WDR7: variants seen among roughly 807,000 people sequenced by gnomAD.
The protein encoded by WDR7 is WD repeat domain 7, also known as WD repeat-containing protein 7.
Under a neutral mutation model 169.4 loss-of-function variants are expected in WDR7, and 46 were observed. The ratio of observed to expected loss-of-function variants is 0.27; its 90% confidence interval spans 0.21 to 0.35. The LOEUF is 0.35. Among genes scored for constraint, WDR7 ranks in the 10% least tolerant of loss-of-function variants. The probability of loss-of-function intolerance (pLI) is 1.00; values close to 1 mark genes in which losing one functional copy is unlikely to be tolerated. For missense variants in WDR7, 1,534 were observed against 1,859.3 expected (o/e 0.83, Z 3.22); for synonymous variants, 612 against 666.8 (o/e 0.92, Z 1.27).
chr18:56,855,689 T>A (rs1452156882), intron 20 of WDR7, among the ~76,000 whole-genome samples: 1 of 152,216 alleles, frequency 6.6e-6, no homozygotes, highest in Non-Finnish European at 1.5e-5. Flanking sequence ...TACCATGCTG[T>A]TTTACTTACT....
chr18:56,794,304 A>ATTTTT lies in WDR7; in HGVS notation c.3190+12667_3190+12671dup, dbSNP rs566857049. ...GTTTGTGTCTTAAAAGGTAAAGTCT[A>ATTTTT]TTTTTTTTTTTTTTTTTTTTTTTGA... On this transcript the variant is annotated intron_variant, in intron 19 of 27. Transcript: ENST00000254442. Among the ~76,000 whole-genome samples the ATTTTT allele has an allele frequency of 3.0e-4, 15 of 49,458 alleles. 4 individuals carry two copies. In the South Asian group the frequency reaches 3.7e-3, roughly 12 times the overall value. 32.4% of individuals were successfully genotyped at this position (49,458 alleles called of 152,430 possible). A position where few individuals can be genotyped will look rare whatever the true frequency, so the allele number is the denominator to read the frequency against.
At chr18:56,816,009 T>G in intron 19 of WDR7, 22 bp from the exon 20 acceptor site, 1 of 1,554,128 alleles carries the variant, frequency 6.4e-7, no homozygotes, top group Non-Finnish European at 8.7e-7. Context: ...AAGTGAAGCC[T>G]TGTGATTCAT....
At chr18:57,021,705 A>G (rs1458666950) in intron 27 of WDR7, among the ~76,000 whole-genome samples, 1 of 152,184 alleles carries the variant, frequency 6.6e-6, no homozygotes, top group Non-Finnish European at 1.5e-5. Context: ...TTAGTCCTGA[A>G]AATTACCAAG....
rs772131383 is a variant in WDR7 at position 56,870,861 on chromosome 18, C to T, written c.3305-9083C>T. Among the ~76,000 whole-genome samples, 17 of 152,284 alleles carry T rather than the reference C, an allele frequency of 1.1e-4. No homozygotes were observed. The South Asian group carries it at 2.3e-3, about 20-fold the overall frequency. ...ACATCTAAAGACAATTTGAATGTAA[C>T]TCACTTTTGAAGATCTAGTTTGAAA... On this transcript the variant is annotated intron_variant, in intron 20 of 27. Coordinates refer to ENST00000254442, the MANE Select transcript of WDR7 (RefSeq NM_015285.3).
chr18:56,892,865 A>G (rs1281904753), intron 21 of WDR7, among the ~76,000 whole-genome samples: 1 of 152,072 alleles, frequency 6.6e-6, no homozygotes, highest in Non-Finnish European at 1.5e-5. Flanking sequence ...TTTAGTTTAG[A>G]TGAGATTACA....
At chr18:56,755,838 T>C (rs1304546746) in intron 14 of WDR7, among the ~76,000 whole-genome samples, 4 of 152,206 alleles carry the variant, frequency 2.6e-5, no homozygotes, top group African/African-American at 7.2e-5. Flanking sequence ...TCCAGGATGC[T>C]GGAGAGGTGG....
chr18:56,843,282 A>G (rs1006352976), intron 20 of WDR7, among the ~76,000 whole-genome samples: 2 of 152,220 alleles, frequency 1.3e-5, no homozygotes, highest in South Asian at 2.1e-4. Flanking sequence ...AAGTATGTAC[A>G]CATTGTTGTT....
At chr18:56,681,203 T>C in intron 3 of WDR7, 110 bp from the exon 4 acceptor site, 1 of 835,082 alleles carries the variant, frequency 1.2e-6, no homozygotes, top group South Asian at 1.7e-5. Context: ...TATGCTACTT[T>C]TTCTGAAATA....
chr18:56,784,208 G>C (rs925294130), intron 19 of WDR7, among the ~76,000 whole-genome samples: 2 of 152,088 alleles, frequency 1.3e-5, no homozygotes, highest in Non-Finnish European at 2.9e-5. Context: ...GTTACTAAGT[G>C]ACAGACTCCA....
chr18:56,775,097 T>C (rs577002300), intron 16 of WDR7, among the ~76,000 whole-genome samples: 10 of 152,136 alleles, frequency 6.6e-5, no homozygotes, highest in Non-Finnish European at 1.3e-4. Flanking sequence ...CACGACTTAT[T>C]TGACTTGTGT....
intron 13 of WDR7, among the ~76,000 whole-genome samples, chr18:56,720,518 A>G (rs1299829909): frequency 6.6e-6 from 1 of 152,244 alleles, no homozygotes; most frequent in Non-Finnish European, 1.5e-5. Flanking sequence ...GTGAAAATGT[A>G]TAGTAAACTT....
chr18:56,846,783 A>T (rs1331032472), intron 20 of WDR7, among the ~76,000 whole-genome samples: 2 of 152,138 alleles, frequency 1.3e-5, no homozygotes, highest in Non-Finnish European at 2.9e-5. Context: ...CATGATTGTA[A>T]GTTTCCTGAG....
chr18:56,763,744 C>T (rs1264671175), intron 16 of WDR7, among the ~76,000 whole-genome samples: 1 of 151,968 alleles, frequency 6.6e-6, no homozygotes, highest in African/African-American at 2.4e-5. Flanking sequence ...TTTTTAACTA[C>T]GGATTTAAAA....
chr18:56,965,696 T>C (rs1486708800), intron 26 of WDR7, among the ~76,000 whole-genome samples: 1 of 152,178 alleles, frequency 6.6e-6, no homozygotes, highest in Admixed American at 6.5e-5. Flanking sequence ...AACTGTTTTG[T>C]GGTCCACAAG....
At chr18:56,657,934 T>G (rs942980381) in intron 1 of WDR7, among the ~76,000 whole-genome samples, 15 of 145,564 alleles carry the variant, frequency 1.0e-4, no homozygotes, top group African/African-American at 3.7e-4. Context: ...ATTACAGGGG[T>G]TTTTTTTTTT....
intron 20 of WDR7, among the ~76,000 whole-genome samples, chr18:56,864,635 T>C (rs1305128878): frequency 6.6e-6 from 1 of 151,830 alleles, no homozygotes; most frequent in African/African-American, 2.4e-5. Context: ...TCTCGGGTAA[T>C]AGAAGATAAA....
chr18:56,922,443 T>C (rs541128151), intron 21 of WDR7, among the ~76,000 whole-genome samples: 2 of 152,184 alleles, frequency 1.3e-5, no homozygotes, highest in African/African-American at 4.8e-5. Flanking sequence ...TGTGTTACCT[T>C]TTTTAAAGGA....
intron 14 of WDR7, among the ~76,000 whole-genome samples, chr18:56,749,881 A>C (rs1008552000): frequency 6.6e-6 from 1 of 151,704 alleles, no homozygotes; most frequent in Non-Finnish European, 1.5e-5. Context: ...ATTTAACCCT[A>C]GAATATATTA....
intron 26 of WDR7, among the ~76,000 whole-genome samples, chr18:56,999,368 A>G (rs1200466601): frequency 1.3e-5 from 2 of 152,212 alleles, no homozygotes; most frequent in Non-Finnish European, 2.9e-5. Flanking sequence ...ATATTTTAGG[A>G]ATAAGTAAAT....
Sources: gnomAD v4.1 joint callset for allele counts (sites outside exome capture counted in the v4.1 genomes callset) on GRCh38, gnomAD v4.1.1 for gene constraint, MANE v1.5 for transcripts, NCBI Gene and HGNC (gene_info 2026-07-23, HGNC 2026-07-21) for gene names.